The following LCP1 variants were observed in gnomAD, a reference collection of about 807,000 sequenced individuals.
LCP1 encodes the protein plastin-2.
In LCP1, 23 loss-of-function variants were observed where a neutral mutation model predicts 72.0. The observed-to-expected ratio is 0.32, with a 90% CI of 0.23 to 0.45. The LOEUF (loss-of-function observed/expected upper bound fraction) is 0.45, where lower values mean the gene tolerates loss of function less well. LCP1 is among the 20% of genes least tolerant of loss of function. The pLI, the probability that LCP1 is intolerant of heterozygous loss-of-function variation, is 1.00. For missense variants in LCP1, 571 were observed against 748.3 expected (o/e 0.76, Z 2.76); for synonymous variants, 245 against 275.4 (o/e 0.89, Z 1.09).
intron 1 of LCP1, among the ~76,000 whole-genome samples, chr13:46,170,078 T>G (rs1476340624): frequency 6.6e-6 from 1 of 152,158 alleles, no homozygotes; most frequent in East Asian, 1.9e-4. Flanking sequence ...GCTGTGTACA[T>G]GAACAAAACA....
chr13:46,178,865 C>T (rs770150916), intron 1 of LCP1, among the ~76,000 whole-genome samples: 1 of 152,102 alleles, frequency 6.6e-6, no homozygotes, highest in Non-Finnish European at 1.5e-5. Flanking sequence ...ATAAGTATAA[C>T]CTTATAAGCA....
intron 2 of LCP1, 64 bp from the exon 3 acceptor site, chr13:46,159,053 G>A: frequency 1.3e-6 from 2 of 1,488,484 alleles, no homozygotes; most frequent in South Asian, 1.1e-5. Context: ...AGAGAGGTGA[G>A]GGAAGACTAG....
chr13:46,139,072 T>C (rs891352936), intron 13 of LCP1, among the ~76,000 whole-genome samples: 4 of 152,376 alleles, frequency 2.6e-5, no homozygotes, highest in Non-Finnish European at 5.9e-5. Context: ...CAGTATGAAT[T>C]GCTAATCTGT....
At chr13:46,141,419 A>AAG (rs1365453287) in intron 13 of LCP1, among the ~76,000 whole-genome samples, 4 of 150,688 alleles carry the variant, frequency 2.7e-5, no homozygotes, top group Non-Finnish European at 4.4e-5. Flanking sequence ...AAAAAAAAAA[A>AAG]AAAAAAAGAA....
intron 15 of LCP1, among the ~76,000 whole-genome samples, chr13:46,130,291 T>C (rs886815109): frequency 1.3e-5 from 2 of 152,240 alleles, no homozygotes; most frequent in South Asian, 4.1e-4. Flanking sequence ...ATAGACAAGA[T>C]GCAAATGAAT....
In LCP1 at chr13:46,146,943, G is replaced by C. The variant is rs779503958; in HGVS notation, c.1139C>G (p.Pro380Arg). ...LFNRYPALHK[P>R]ENQDIDWGAL... ...CCCCCAGTCAATGTCCTGGTTCTCT[G>C]GTTTGTGCAGGGCAGGGTATCTGTT... Residue 380 changes from proline (P) to arginine (R), a missense_variant, in exon 10 of 16, where the codon CCA (proline) becomes CGA (arginine). Pro to Arg is a moderately radical substitution (Grantham distance 103). Transcript: ENST00000323076. The C allele has an allele frequency of 6.8e-6, 11 of 1,614,012 alleles. 1 individual carries two copies. In the Middle Eastern group the frequency reaches 8.2e-4, roughly 121 times the overall value.
intron 14 of LCP1, among the ~76,000 whole-genome samples, chr13:46,132,029 T>C (rs2045637263): frequency 6.6e-6 from 1 of 151,872 alleles, no homozygotes; most frequent in Non-Finnish European, 1.5e-5. Flanking sequence ...AAGAGTGGGT[T>C]GTGTTCATTT....
chr13:46,163,339 C>T (rs2045856580), intron 1 of LCP1, among the ~76,000 whole-genome samples: 2 of 152,320 alleles, frequency 1.3e-5, no homozygotes, highest in South Asian at 2.1e-4. Context: ...ACCTTACCCC[C>T]AACCCCGTGC....
chr13:46,127,642 C>G lies in LCP1; in HGVS notation c.1833G>C (p.Met611Ile), dbSNP rs2045607091. 6.2e-7 allele frequency: 1 copy of G among 1,614,040 alleles called. No homozygotes were observed. The highest frequency in any genetic ancestry group is 8.5e-7 in the Non-Finnish European group (1 of 1,180,024). ...TGAGGCAGGCAAACACGGTCATGAC[C>G]ATTTTGGGGTTCACTTCAACCAGGT... ...PEDLVEVNPK[M>I]VMTVFACLMG... The change falls in exon 16 of 16, where the codon ATG becomes ATC. Residue 611 changes from methionine to isoleucine, a missense_variant. Coordinates refer to ENST00000323076, the MANE Select transcript of LCP1 (RefSeq NM_002298.5).
intron 7 of LCP1, 64 bp downstream of exon 7, chr13:46,152,716 C>A: frequency 6.6e-7 from 1 of 1,512,962 alleles, no homozygotes. Context: ...CTTCCTCCTA[C>A]AGTCCCCAAC....
intron 10 of LCP1, 88 bp downstream of exon 10, chr13:46,146,820 T>TGC: frequency 7.7e-7 from 1 of 1,301,306 alleles, no homozygotes; most frequent in Non-Finnish European, 1.1e-6. Flanking sequence ...GTAAATAGTT[T>TGC]ATATTTGCTT....
chr13:46,162,957 C>T (rs1180828876), intron 1 of LCP1, among the ~76,000 whole-genome samples: 1 of 151,922 alleles, frequency 6.6e-6, no homozygotes, highest in Non-Finnish European at 1.5e-5. Context: ...GCAGCCACCC[C>T]GTCTGGGAAG....
At chr13:46,152,545 G>T (rs1049462348) in intron 7 of LCP1, among the ~76,000 whole-genome samples, 2 of 152,194 alleles carry the variant, frequency 1.3e-5, no homozygotes, top group Non-Finnish European at 2.9e-5. Context: ...ATTCAAGACT[G>T]AGCCCTATGC....
chr13:46,148,404 T>C lies in LCP1; in HGVS notation c.926A>G (p.Lys309Arg). 1 of 1,613,218 alleles carries C rather than the reference T, an allele frequency of 6.2e-7. No individual in the cohort carries two copies. Among genetic ancestry groups the C allele is most frequent in the Non-Finnish European group, 8.5e-7 (1 of 1,179,860 alleles). ...AGCAGGAACACCTTCTTCATCTCCT[T>C]TTGGAGCCACCTGCTCAAGCAGGTG... ...YYHLLEQVAP[K>R]GDEEGVPAVV... The change falls in exon 9 of 16, where the codon AAA becomes AGA. Residue 309 changes from lysine to arginine, a missense_variant. By Grantham distance (26) the Lys-to-Arg change is conservative (BLOSUM62 2). Transcript: ENST00000323076.
chr13:46,155,296 T>C (rs577143541), intron 5 of LCP1, among the ~76,000 whole-genome samples: 170 of 152,332 alleles, frequency 1.1e-3, no homozygotes, highest in African/African-American at 3.8e-3. Context: ...TACATTTCTA[T>C]TTGACACAGG....
At chr13:46,132,214 C>T (rs2045638337) in intron 14 of LCP1, among the ~76,000 whole-genome samples, 1 of 152,124 alleles carries the variant, frequency 6.6e-6, no homozygotes, top group South Asian at 2.1e-4. Flanking sequence ...ATAGTGAACC[C>T]CAGCATCGCT....
intron 1 of LCP1, among the ~76,000 whole-genome samples, chr13:46,175,908 A>G (rs2045927084): frequency 6.6e-6 from 1 of 152,134 alleles, no homozygotes; most frequent in Non-Finnish European, 1.5e-5. Context: ...TGCACCTATT[A>G]CCTAGCTTTC....
At chr13:46,170,893 C>A (rs1420007838) in intron 1 of LCP1, among the ~76,000 whole-genome samples, 2 of 152,240 alleles carry the variant, frequency 1.3e-5, no homozygotes, top group East Asian at 3.9e-4. Flanking sequence ...AAATAGCTCT[C>A]CCCTGGAGAG....
At position 46,158,993 on chromosome 13, in the gene LCP1, TA is replaced by T. The variant is rs762616795; in HGVS notation, c.65-5del. The T allele has an allele frequency of 6.2e-7, 1 of 1,613,734 alleles. No individual in the cohort carries two copies. The highest frequency in any genetic ancestry group is 8.5e-7 in the Non-Finnish European group (1 of 1,179,828). On this transcript the variant is annotated splice_polypyrimidine_tract_variant and splice_region_variant and intron_variant, in intron 2 of 15. Coordinates refer to ENST00000323076, the MANE Select transcript of LCP1 (RefSeq NM_002298.5). Reference sequence around the variant, plus strand: ...ATGTATCCATTGCCATCAGTATCTGTAATGTACACAATATACTGAAGCTTCA... The same window carrying T: ...ATGTATCCATTGCCATCAGTATCTGTATGTACACAATATACTGAAGCTTCA...
Sources: gnomAD v4.1 joint callset for allele counts (sites outside exome capture counted in the v4.1 genomes callset) on GRCh38, gnomAD v4.1.1 for gene constraint, MANE v1.5 for transcripts, NCBI Gene and HGNC (gene_info 2026-07-23, HGNC 2026-07-21) for gene names.